FIGN: variants seen among roughly 807,000 people sequenced by gnomAD.
The protein encoded by FIGN is fidgetin.
Under a neutral mutation model 51.3 loss-of-function variants are expected in FIGN, and 11 were observed. The ratio of observed to expected loss-of-function variants is 0.21; its 90% CI spans 0.13 to 0.35. FIGN has a LOEUF of 0.35. Ranked by LOEUF, FIGN falls within the 10% of genes least tolerant of loss-of-function variation. FIGN has a pLI of 1.00. For missense variants in FIGN, 857 were observed against 943.6 expected (o/e 0.91, Z 1.20); for synonymous variants, 407 against 363.2 (o/e 1.12, Z -1.37).
Position 163,734,989 on chromosome 2 carries a change from C to T in FIGN, c.-62G>A, listed in dbSNP as rs1472273294. The T allele has an allele frequency of 2.5e-6, 4 of 1,588,802 alleles. No individual in the cohort carries two copies. Among genetic ancestry groups the T allele is most frequent in the African/African-American group, 1.4e-5 (1 of 74,058 alleles). On this transcript the variant is annotated 5_prime_UTR_variant, in exon 2 of 3. Transcript: ENST00000333129. ...TCACAAGCAGGAATTCCAAAGGTTG[C>T]TTTTCATTAAAGCCACTTTTCCTCT...
intron 2 of FIGN, among the ~76,000 whole-genome samples, chr2:163,679,756 G>A (rs1161628140): frequency 6.6e-6 from 1 of 152,086 alleles, no homozygotes; most frequent in Non-Finnish European, 1.5e-5. Flanking sequence ...TTCTTAAAAT[G>A]GCTCCATGTC....
At chr2:163,692,587 A>G (rs1228937178) in intron 2 of FIGN, among the ~76,000 whole-genome samples, 1 of 152,214 alleles carries the variant, frequency 6.6e-6, no homozygotes, top group Non-Finnish European at 1.5e-5. Flanking sequence ...ACTGAAGATT[A>G]TGATTCCCGA....
Position 163,618,677 on chromosome 2 carries a change from G to T in FIGN, c.26-6871C>A, listed in dbSNP as rs1209883993. ...CAAGATCTTACAACACTTCATTCGT[G>T]CCTGGCAACAGCTGTCCGATTCTGG... On this transcript the variant is annotated intron_variant, in intron 2 of 2. Coordinates refer to ENST00000333129, the MANE Select transcript of FIGN (RefSeq NM_018086.4). Among the ~76,000 whole-genome samples, 5 of 152,000 alleles carry T rather than the reference G, an allele frequency of 3.3e-5. No individual in the cohort carries two copies. The South Asian group carries it at 8.3e-4, about 25-fold the overall frequency.
At chr2:163,617,299 G>A in intron 2 of FIGN, 1 of 904,472 alleles carries the variant, frequency 1.1e-6, no homozygotes, top group Non-Finnish European at 1.3e-6. Context: ...TAAGCTGAAT[G>A]TAACAGAGGG....
At chr2:163,724,671 T>C (rs1161105544) in intron 2 of FIGN, among the ~76,000 whole-genome samples, 2 of 152,120 alleles carry the variant, frequency 1.3e-5, no homozygotes, top group African/African-American at 4.8e-5. Context: ...ACACATTAGT[T>C]TCCAAAAGAA....
chr2:163,626,880 C>A (rs1371726341), intron 2 of FIGN, among the ~76,000 whole-genome samples: 1 of 152,092 alleles, frequency 6.6e-6, no homozygotes, highest in Non-Finnish European at 1.5e-5. Context: ...TCATTCTACG[C>A]TAATTATAAT....
chr2:163,734,984 G>T lies in FIGN; in HGVS notation c.-57C>A. 6.3e-7 allele frequency: 1 copy of T among 1,598,022 alleles called. No homozygotes were observed. The highest frequency in any genetic ancestry group is 1.1e-5 in the South Asian group (1 of 88,704). On this transcript the variant is annotated 5_prime_UTR_variant, in exon 2 of 3. Coordinates refer to ENST00000333129, the MANE Select transcript of FIGN (RefSeq NM_018086.4). ...ATTTCTCACAAGCAGGAATTCCAAA[G>T]GTTGCTTTTCATTAAAGCCACTTTT... is the stretch of plus-strand genomic sequence containing the variant.
chr2:163,676,261 G>C (rs1279873619), intron 2 of FIGN, among the ~76,000 whole-genome samples: 2 of 151,402 alleles, frequency 1.3e-5, no homozygotes, highest in Non-Finnish European at 2.9e-5. Flanking sequence ...ACTAGTTACA[G>C]ACCCAGTGCC....
intron 2 of FIGN, among the ~76,000 whole-genome samples, chr2:163,719,992 C>T (rs978867654): frequency 6.6e-6 from 1 of 152,092 alleles, no homozygotes; most frequent in Non-Finnish European, 1.5e-5. Context: ...TTTTAAACCT[C>T]TAAGTAGCCC....
intron 2 of FIGN, among the ~76,000 whole-genome samples, chr2:163,695,974 G>A (rs1381600991): frequency 1.3e-5 from 2 of 152,122 alleles, no homozygotes; most frequent in African/African-American, 4.8e-5. Context: ...AGCCGGGCAT[G>A]GTGGCATGTG....
chr2:163,686,102 A>T (rs1268200771), intron 2 of FIGN, among the ~76,000 whole-genome samples: 1 of 152,242 alleles, frequency 6.6e-6, no homozygotes, highest in Non-Finnish European at 1.5e-5. Flanking sequence ...AAAAGCAATG[A>T]CTGAGAAATG....
chr2:163,688,236 G>T (rs1684184940), intron 2 of FIGN, among the ~76,000 whole-genome samples: 1 of 152,194 alleles, frequency 6.6e-6, no homozygotes, highest in African/African-American at 2.4e-5. Flanking sequence ...CCAGTGAAAT[G>T]AGTATCCAAT....
rs921164320 is a variant in FIGN, at chr2:163,606,705, T to C, written c.*2847A>G. On this transcript the variant is annotated 3_prime_UTR_variant, in exon 3 of 3. Transcript: ENST00000333129. ...AATGCTGCCATGCAGAATCAAAGAATCACAGGAGAGCACTATCTACTCAAA... is the reference window on the plus strand; with the variant it reads ...AATGCTGCCATGCAGAATCAAAGAACCACAGGAGAGCACTATCTACTCAAA... 6.6e-6 allele frequency: 1 copy of C among 152,156 alleles called. No homozygotes were observed. Among genetic ancestry groups the C allele is most frequent in the African/African-American group, 2.4e-5 (1 of 41,450 alleles). The allele number at this position is 152,156 out of a possible 1,614,324, so 9.4% of individuals were successfully genotyped here.
At chr2:163,628,441 T>C (rs1010483425) in intron 2 of FIGN, among the ~76,000 whole-genome samples, 1 of 152,148 alleles carries the variant, frequency 6.6e-6, no homozygotes, top group African/African-American at 2.4e-5. Flanking sequence ...GAAGTATATG[T>C]CTATGCATGG....
intron 2 of FIGN, among the ~76,000 whole-genome samples, chr2:163,716,573 T>C (rs1434667932): frequency 6.6e-6 from 1 of 152,194 alleles, no homozygotes; most frequent in Non-Finnish European, 1.5e-5. Flanking sequence ...GCATCTGGGT[T>C]GAAGGGTGAG....
intron 2 of FIGN, among the ~76,000 whole-genome samples, chr2:163,654,339 C>T (rs1683525731): frequency 6.6e-6 from 1 of 152,044 alleles, no homozygotes; most frequent in African/African-American, 2.4e-5. Flanking sequence ...GGCAAAGAAC[C>T]TCATGTTATT....
At chr2:163,671,251 G>A (rs1683870754) in intron 2 of FIGN, among the ~76,000 whole-genome samples, 1 of 152,128 alleles carries the variant, frequency 6.6e-6, no homozygotes, top group Admixed American at 6.6e-5. Flanking sequence ...AGTTGAGGAG[G>A]TTTTATAAAT....
At chr2:163,720,965 A>T (rs1684747085) in intron 2 of FIGN, among the ~76,000 whole-genome samples, 1 of 152,090 alleles carries the variant, frequency 6.6e-6, no homozygotes, top group African/African-American at 2.4e-5. Context: ...CTATGCATAT[A>T]GGGTCAAAAT....
In FIGN at chr2:163,642,394, T is replaced by C. The variant is rs75477041; in HGVS notation, c.26-30588A>G. ...CTCCACTCTGCTAATAACTAGTGTG[T>C]TCACTTAGCACTCTGATGATCTGCT... On this transcript the variant is annotated intron_variant, in intron 2 of 2. Coordinates refer to ENST00000333129, the MANE Select transcript of FIGN (RefSeq NM_018086.4). 6.2e-3 allele frequency among the ~76,000 whole-genome samples: 951 copies of C among 152,330 alleles called. 11 individuals are homozygous for C. The highest frequency in any genetic ancestry group is 0.022 in the African/African-American group (917 of 41,570).
Sources: allele counts gnomAD v4.1 joint callset (sites outside exome capture counted in the v4.1 genomes callset), GRCh38; gene constraint gnomAD v4.1.1; transcripts MANE v1.5; gene names NCBI Gene and HGNC (gene_info 2026-07-23, HGNC 2026-07-21).